Variants in GLIS1 observed in about 807,000 individuals in gnomAD.
GLIS1 encodes the protein zinc finger protein GLIS1.
In GLIS1, 24 loss-of-function variants were observed where a neutral mutation model predicts 63.8. The observed-to-expected ratio is 0.38, with a 90% CI of 0.27 to 0.53. The LOEUF is 0.53. Among genes scored for constraint, GLIS1 ranks in the 20% least tolerant of loss-of-function variants. The pLI is 0.85. For synonymous variants in GLIS1, 450 were observed against 482.5 expected (o/e 0.93, Z 0.88); for missense variants, 1,036 against 1,074.1 (o/e 0.96, Z 0.50).
chr1:53,636,699 C>T (rs1217333176), intron 2 of GLIS1, among the ~76,000 whole-genome samples: 7 of 152,212 alleles, frequency 4.6e-5, no homozygotes, highest in Admixed American at 4.6e-4. Flanking sequence ...CACCTCTCAG[C>T]TCACCCTGAG....
chr1:53,719,413 G>A (rs1429415132), intron 2 of GLIS1, among the ~76,000 whole-genome samples: 1 of 152,192 alleles, frequency 6.6e-6, no homozygotes, highest in Non-Finnish European at 1.5e-5. Context: ...AATCCTCTCT[G>A]TGGGCTCTTC....
At chr1:53,705,792 A>T (rs1435242876) in intron 2 of GLIS1, among the ~76,000 whole-genome samples, 1 of 152,148 alleles carries the variant, frequency 6.6e-6, no homozygotes, top group Non-Finnish European at 1.5e-5. Flanking sequence ...ATTTACCCAA[A>T]TCCTTTAATT....
chr1:53,656,705 G>T (rs1432008758), intron 2 of GLIS1, among the ~76,000 whole-genome samples: 1 of 152,230 alleles, frequency 6.6e-6, no homozygotes, highest in African/African-American at 2.4e-5. Context: ...GTTGAGAAAG[G>T]GGTCGGAGAG....
chr1:53,593,980 C>T, intron 4 of GLIS1, 128 bp downstream of exon 4: 1 of 1,143,194 alleles, frequency 8.7e-7, no homozygotes, highest in Non-Finnish European at 1.2e-6. Context: ...GGGTCCTTTC[C>T]TCCTCAACCA....
intron 2 of GLIS1, 55 bp from the exon 3 acceptor site, chr1:53,600,333 A>C: frequency 8.5e-7 from 1 of 1,173,080 alleles, no homozygotes; most frequent in Non-Finnish European, 1.1e-6. Flanking sequence ...CAGCCTGCAG[A>C]GGGGTATGGG....
chr1:53,730,986 T>A (rs551832134), intron 2 of GLIS1, among the ~76,000 whole-genome samples: 1 of 152,354 alleles, frequency 6.6e-6, no homozygotes, highest in East Asian at 1.9e-4. Flanking sequence ...GCCAACATGC[T>A]TGGGGAAGCA....
At chr1:53,717,285 G>A (rs1391511237) in intron 2 of GLIS1, among the ~76,000 whole-genome samples, 1 of 152,128 alleles carries the variant, frequency 6.6e-6, no homozygotes, top group African/African-American at 2.4e-5. Flanking sequence ...TCCACGTAAA[G>A]CAGTGAGGAC....
In GLIS1 at chr1:53,506,333, G is replaced by T. The variant is rs1644230811; in HGVS notation, c.*286C>A. Reference sequence around the variant, plus strand: ...AGTTCTGCATATTTTATATACACGAGGTCTGTGATTTCAAAACCACTGCGG... The same window carrying T: ...AGTTCTGCATATTTTATATACACGATGTCTGTGATTTCAAAACCACTGCGG... On this transcript the variant is annotated 3_prime_UTR_variant, in exon 11 of 11. Transcript: ENST00000628545. The T allele has an allele frequency of 2.2e-6, 1 of 444,554 alleles. No individual in the cohort carries two copies. Among genetic ancestry groups the T allele is most frequent in the Non-Finnish European group, 4.0e-6 (1 of 249,122 alleles). 27.5% of individuals were successfully genotyped at this position (444,554 alleles called of 1,614,324 possible). A position where few individuals can be genotyped will look rare whatever the true frequency, so the allele number is the denominator to read the frequency against.
chr1:53,548,513 C>G (rs986033265), intron 4 of GLIS1, among the ~76,000 whole-genome samples: 1 of 152,228 alleles, frequency 6.6e-6, no homozygotes, highest in African/African-American at 2.4e-5. Flanking sequence ...TATCCCTGCT[C>G]GCATTTCTAC....
chr1:53,590,534 C>T (rs1380743977), intron 4 of GLIS1, among the ~76,000 whole-genome samples: 2 of 152,190 alleles, frequency 1.3e-5, no homozygotes, highest in Non-Finnish European at 2.9e-5. Context: ...CTAATTTCTG[C>T]AGTCGCAGAC....
intron 4 of GLIS1, among the ~76,000 whole-genome samples, chr1:53,577,258 C>T (rs969841735): frequency 6.6e-6 from 1 of 152,076 alleles, no homozygotes. Context: ...ATTCAGCATG[C>T]CCCAGATCAA....
intron 2 of GLIS1, among the ~76,000 whole-genome samples, chr1:53,727,737 C>T (rs1646819709): frequency 1.3e-5 from 2 of 151,878 alleles, no homozygotes; most frequent in Non-Finnish European, 2.9e-5. Context: ...AGAGGGAGGC[C>T]CAGCTGAGTG....
intron 4 of GLIS1, among the ~76,000 whole-genome samples, chr1:53,584,634 C>T (rs947318844): frequency 1.3e-5 from 2 of 152,148 alleles, no homozygotes; most frequent in African/African-American, 4.8e-5. Flanking sequence ...TGGGGGTGGA[C>T]AATACAGATT....
At chr1:53,588,713 C>A (rs1645160463) in intron 4 of GLIS1, among the ~76,000 whole-genome samples, 2 of 152,192 alleles carry the variant, frequency 1.3e-5, no homozygotes, top group East Asian at 3.9e-4. Flanking sequence ...AGGGACTCCA[C>A]CCACTGTGAT....
intron 4 of GLIS1, among the ~76,000 whole-genome samples, chr1:53,554,311 C>A (rs761662657): frequency 3.9e-5 from 6 of 152,160 alleles, no homozygotes; most frequent in Admixed American, 3.9e-4. Context: ...CAATGAGTCA[C>A]GAGTAGAGAC....
At chr1:53,623,195 A>G (rs1645563729) in intron 2 of GLIS1, among the ~76,000 whole-genome samples, 1 of 152,242 alleles carries the variant, frequency 6.6e-6, no homozygotes, top group Admixed American at 6.5e-5. Flanking sequence ...ATTCAGCAAT[A>G]TATATTAATA....
At chr1:53,669,064 G>A (rs1013504637) in intron 2 of GLIS1, among the ~76,000 whole-genome samples, 5 of 152,318 alleles carry the variant, frequency 3.3e-5, no homozygotes, top group Non-Finnish European at 2.9e-5. Context: ...GCACAGATGA[G>A]GCCTGGGCAT....
intron 4 of GLIS1, among the ~76,000 whole-genome samples, chr1:53,588,856 C>A (rs984195771): frequency 6.6e-6 from 1 of 152,180 alleles, no homozygotes; most frequent in East Asian, 1.9e-4. Context: ...ATTTTGCCTG[C>A]GAACTTCAGA....
chr1:53,512,062 G>GA (rs1322368796), intron 8 of GLIS1, among the ~76,000 whole-genome samples: 2 of 152,172 alleles, frequency 1.3e-5, no homozygotes, highest in Admixed American at 6.5e-5. Context: ...ATATGAAGGG[G>GA]AAAAAACATG....
Sources: allele counts gnomAD v4.1 joint callset (sites outside exome capture counted in the v4.1 genomes callset), GRCh38; gene constraint gnomAD v4.1.1; transcripts MANE v1.5; gene names NCBI Gene and HGNC (gene_info 2026-07-23, HGNC 2026-07-21).